The following MIS18A variants were observed in gnomAD, a reference collection of about 807,000 sequenced individuals.
MIS18A encodes the protein MIS18 kinetochore protein A.
MIS18A carries 14 observed loss-of-function variants against 25.0 expected under a neutral mutation model. The observed-to-expected ratio is 0.56, with a 90% confidence interval of 0.37 to 0.88. MIS18A has a LOEUF of 0.88. MIS18A is among the 40% of genes least tolerant of loss of function. The probability of loss-of-function intolerance (pLI) is 0.00; values close to 1 mark genes in which losing one functional copy is unlikely to be tolerated. For synonymous variants in MIS18A, 134 were observed against 118.6 expected (o/e 1.13, Z -0.84); for missense variants, 292 against 290.8 (o/e 1.00, Z -0.03).
chr21:32,257,056 T>C, the MIS18A span, among the ~76,000 whole-genome samples: 2 of 152,312 alleles, frequency 1.3e-5, no homozygotes, highest in East Asian at 3.9e-4. Flanking sequence ...CCTTGGAAAC[T>C]CTGTCCAGGG....
At chr21:32,265,516 C>T (rs548044359), downstream of MIS18A, among the ~76,000 whole-genome samples, 81 of 152,324 alleles carry the variant, frequency 5.3e-4, no homozygotes, top group South Asian at 1.7e-3. Context: ...CCAGCAGTGC[C>T]GGCCCACCGG....
intron 1 of MIS18A, among the ~76,000 whole-genome samples, chr21:32,277,313 C>T (rs1323276678): frequency 1.3e-5 from 2 of 152,150 alleles, no homozygotes; most frequent in African/African-American, 4.8e-5. Flanking sequence ...AAAGAGCCCA[C>T]ATGGCAAAAA....
the MIS18A span, among the ~76,000 whole-genome samples, chr21:32,208,677 G>C: frequency 2.0e-5 from 3 of 152,086 alleles, no homozygotes; most frequent in Non-Finnish European, 4.4e-5. Context: ...GCCTTTATCA[G>C]GTTCTCAAAA....
chr21:32,234,379 C>G, the MIS18A span, among the ~76,000 whole-genome samples: 9 of 152,154 alleles, frequency 5.9e-5, no homozygotes, highest in Admixed American at 3.9e-4. Flanking sequence ...CAATGTGCTT[C>G]CCATAGTCCT....
the MIS18A span, among the ~76,000 whole-genome samples, chr21:32,193,877 G>T: frequency 6.6e-6 from 1 of 152,144 alleles, no homozygotes; most frequent in South Asian, 2.1e-4. Flanking sequence ...GGCTCTACTG[G>T]TATTTGCAGT....
At chr21:32,212,652 G>C in the MIS18A span, among the ~76,000 whole-genome samples, 1 of 152,160 alleles carries the variant, frequency 6.6e-6, no homozygotes, top group Non-Finnish European at 1.5e-5. Context: ...TGGTTTGGCT[G>C]TGTCCCCACC....
At chr21:32,209,080 G>C in the MIS18A span, among the ~76,000 whole-genome samples, 3 of 151,854 alleles carry the variant, frequency 2.0e-5, no homozygotes, top group East Asian at 5.8e-4. Context: ...TCACCTAAAA[G>C]AAAATTCATT....
At chr21:32,217,782 A>C in the MIS18A span, among the ~76,000 whole-genome samples, 2 of 152,164 alleles carry the variant, frequency 1.3e-5, no homozygotes, top group Non-Finnish European at 2.9e-5. Flanking sequence ...AATCCATGGA[A>C]TCGGGAAGGC....
the MIS18A span, among the ~76,000 whole-genome samples, chr21:32,240,613 A>G: frequency 6.6e-6 from 1 of 152,262 alleles, no homozygotes; most frequent in African/African-American, 2.4e-5. Flanking sequence ...GATGGTGATA[A>G]TAATAGCACA....
chr21:32,181,789 A>C, the MIS18A span, among the ~76,000 whole-genome samples: 1 of 152,144 alleles, frequency 6.6e-6, no homozygotes, highest in Non-Finnish European at 1.5e-5. Context: ...TGGATCTGAG[A>C]CATGTGTTTG....
chr21:32,193,402 A>G, the MIS18A span, among the ~76,000 whole-genome samples: 1 of 152,220 alleles, frequency 6.6e-6, no homozygotes. Context: ...TTCAGCCCAA[A>G]GAGAAATTAC....
the MIS18A span, among the ~76,000 whole-genome samples, chr21:32,217,814 T>C: frequency 6.6e-6 from 1 of 151,800 alleles, no homozygotes; most frequent in Non-Finnish European, 1.5e-5. Flanking sequence ...TATTCAAAAT[T>C]CTGAAGGAAA....
chr21:32,278,854 G>A lies in MIS18A; in HGVS notation c.161C>T (p.Ser54Phe), dbSNP rs2031875281. 1 of 1,612,048 alleles carries A rather than the reference G, an allele frequency of 6.2e-7. No individual in the cohort carries two copies. Among genetic ancestry groups the A allele is most frequent in the Non-Finnish European group, 8.5e-7 (1 of 1,179,498 alleles). The stretch of plus-strand genomic sequence containing the variant: ...GGCCACCGACGCGTCTTCGCTCATG[G>A]AGCTCCACATGCTCGCCCACTTCTG... The part of the protein sequence containing the change: ...LLQKWASMWS[S>F]MSEDASVADM... Residue 54 changes from serine (S) to phenylalanine (F), a missense_variant, in exon 1 of 5, where the codon TCC becomes TTC. Coordinates refer to ENST00000290130, the MANE Select transcript of MIS18A (RefSeq NM_018944.3).
downstream of MIS18A, among the ~76,000 whole-genome samples, chr21:32,266,722 C>T (rs569876687): frequency 4.4e-4 from 67 of 152,066 alleles, no homozygotes; most frequent in African/African-American, 1.5e-3. Flanking sequence ...AGACTCCAGA[C>T]GCGCCACCTT....
the MIS18A span, among the ~76,000 whole-genome samples, chr21:32,201,025 G>A: frequency 6.6e-6 from 1 of 152,162 alleles, no homozygotes; most frequent in African/African-American, 2.4e-5. Flanking sequence ...TTGGCTTATA[G>A]TTCTGTGGGC....
At chr21:32,214,549 A>C in the MIS18A span, among the ~76,000 whole-genome samples, 1 of 152,168 alleles carries the variant, frequency 6.6e-6, no homozygotes, top group South Asian at 2.1e-4. Flanking sequence ...AACCATCTAC[A>C]TTTAGTAAGT....
chr21:32,194,986 C>T, the MIS18A span, among the ~76,000 whole-genome samples: 1 of 152,156 alleles, frequency 6.6e-6, no homozygotes, highest in African/African-American at 2.4e-5. Flanking sequence ...CCAGGCCTCT[C>T]CAGTCCATAA....
chr21:32,180,198 G>C, the MIS18A span, among the ~76,000 whole-genome samples: 4 of 152,276 alleles, frequency 2.6e-5, no homozygotes, highest in Non-Finnish European at 5.9e-5. Context: ...CCAGTTCTTC[G>C]CTTTCAGACA....
the MIS18A span, among the ~76,000 whole-genome samples, chr21:32,194,677 A>G: frequency 2.0e-5 from 3 of 151,706 alleles, no homozygotes; most frequent in Non-Finnish European, 4.4e-5. Flanking sequence ...AAAAAAAAAG[A>G]TATAGATATA....
Sources: allele counts gnomAD v4.1 joint callset (sites outside exome capture counted in the v4.1 genomes callset), GRCh38; gene constraint gnomAD v4.1.1; transcripts MANE v1.5; gene names NCBI Gene and HGNC (gene_info 2026-07-23, HGNC 2026-07-21).